Variants in NAA40 observed in about 807,000 individuals in gnomAD.
The protein encoded by NAA40 is N-alpha-acetyltransferase 40.
A neutral mutation model predicts 36.6 loss-of-function variants in NAA40; 26 were observed. The ratio of observed to expected loss-of-function variants is 0.71; its 90% CI spans 0.52 to 0.98. NAA40 has a LOEUF of 0.98. Among genes scored for constraint, NAA40 ranks in the 50% least tolerant of loss-of-function variants. NAA40 has a pLI of 0.00. For missense variants in NAA40, 237 were observed against 306.5 expected (o/e 0.77, Z 1.69); for synonymous variants, 129 against 108.4 (o/e 1.19, Z -1.18).
rs1351308762 is a variant in NAA40 at position 63,954,736 on chromosome 11, G to A, written c.*257G>A. On this transcript the variant is annotated 3_prime_UTR_variant, in exon 8 of 8. Transcript: ENST00000377793. ...CGGGCAGTGAAGCTCATCCTCCACA[G>A]TGGCTGCCTCCTCATTTGGCTCCTG... The A allele has an allele frequency of 2.9e-5, 10 of 342,860 alleles. No individual in the cohort carries two copies. The highest frequency in any genetic ancestry group is 4.2e-5 in the Non-Finnish European group (8 of 191,672). The allele number at this position is 342,860 out of a possible 1,614,324, so 21.2% of individuals were successfully genotyped here.
Position 63,955,001 on chromosome 11 carries a change from G to A in NAA40, c.*522G>A, listed in dbSNP as rs567214959. 2 of 152,738 alleles carry A rather than the reference G, an allele frequency of 1.3e-5. No homozygotes were observed. The highest frequency in any genetic ancestry group is 2.9e-5 in the Non-Finnish European group (2 of 68,144). The allele number at this position is 152,738 out of a possible 1,614,324, so 9.5% of individuals were successfully genotyped here. ...CGCAGTTGGAATTGCTGTTAACGGAGACTGGGAAGATCTTTTGTGCCAAGA... is the reference window on the plus strand; with the variant it reads ...CGCAGTTGGAATTGCTGTTAACGGAAACTGGGAAGATCTTTTGTGCCAAGA... On this transcript the variant is annotated 3_prime_UTR_variant, in exon 8 of 8. Transcript: ENST00000377793.
At chr11:63,946,450 CTGCCTT>C (rs750466316) in intron 2 of NAA40, 661 of 897,102 alleles carry the variant, frequency 7.4e-4, no homozygotes, top group Non-Finnish European at 9.0e-4. Context: ...AGCATTTCAC[CTGCCTT>C]GGCCTCCCAA....
Position 63,952,497 on chromosome 11 carries a change from C to T in NAA40, c.342C>T (p.Asn114=). 8 of 1,614,186 alleles carry T rather than the reference C, an allele frequency of 5.0e-6. No homozygotes were observed. The highest frequency in any genetic ancestry group is 6.8e-6 in the Non-Finnish European group (8 of 1,180,038). ...CCTGGTACCTCATCGCGTGGGAAAA[C>T]AGCTCCGTCCCTGTTGCCTTTTCTC... ...DRAWYLIAWE[N]SSVPVAFSHF... is the part of the protein sequence containing the mutation. The change falls in exon 5 of 8, where the codon AAC becomes AAT. Residue 114 remains asparagine, a synonymous_variant. Transcript: ENST00000377793.
intron 6 of NAA40, among the ~76,000 whole-genome samples, chr11:63,953,570 A>G (rs577931591): frequency 6.6e-6 from 1 of 152,282 alleles, no homozygotes; most frequent in Admixed American, 6.5e-5. Flanking sequence ...TGTGGGTGAA[A>G]GGGAGGTAAC....
rs1325746976 is a variant in NAA40 at position 63,954,891 on chromosome 11, G to A, written c.*412G>A. ...CTTTATGAAAGTTCTGGAGTCCTGG[G>A]TCTGGGGTTTGCTGGTCCCCAAAGA... is the stretch of plus-strand genomic sequence containing the variant. On this transcript the variant is annotated 3_prime_UTR_variant, in exon 8 of 8. Coordinates refer to ENST00000377793, the MANE Select transcript of NAA40 (RefSeq NM_024771.4). The A allele has an allele frequency of 6.4e-6, 1 of 155,862 alleles. No homozygotes were observed. The highest frequency in any genetic ancestry group is 1.4e-5 in the Non-Finnish European group (1 of 70,660). 9.7% of individuals were successfully genotyped at this position (155,862 alleles called of 1,614,324 possible).
chr11:63,946,746 C>T (rs934462902), intron 2 of NAA40: 37 of 1,529,956 alleles, frequency 2.4e-5, no homozygotes, highest in Non-Finnish European at 3.0e-5. Context: ...CTTAACTCTC[C>T]TGGGCCTTTC....
chr11:63,944,265 A>G (rs528581511), intron 1 of NAA40, among the ~76,000 whole-genome samples: 3 of 152,284 alleles, frequency 2.0e-5, no homozygotes, highest in South Asian at 4.1e-4. Context: ...TCCTGGGGCC[A>G]GTCCGTGTCA....
At chr11:63,949,127 A>C (rs562034103) in intron 3 of NAA40, among the ~76,000 whole-genome samples, 1 of 152,306 alleles carries the variant, frequency 6.6e-6, no homozygotes, top group East Asian at 1.9e-4. Flanking sequence ...TGCAGGCTGC[A>C]GTGAGCCATG....
intron 6 of NAA40, among the ~76,000 whole-genome samples, chr11:63,953,172 C>T (rs750648933): frequency 2.0e-5 from 3 of 151,772 alleles, no homozygotes; most frequent in Non-Finnish European, 2.9e-5. Context: ...CTCAGCCTCC[C>T]AAGTGGCTGG....
At chr11:63,946,660 G>C in intron 2 of NAA40, 2 of 1,402,240 alleles carry the variant, frequency 1.4e-6, no homozygotes, top group Non-Finnish European at 1.9e-6. Context: ...CTCTTCTTTG[G>C]GTTAGCTGTG....
rs1942198443 is a variant in NAA40 at position 63,946,993 on chromosome 11, G to T, written c.145G>T (p.Asp49Tyr). 4 of 1,614,104 alleles carry T rather than the reference G, an allele frequency of 2.5e-6. No homozygotes were observed. Among genetic ancestry groups the T allele is most frequent in the Non-Finnish European group, 3.4e-6 (4 of 1,179,970 alleles). The change falls in exon 3 of 8, where the codon GAT (aspartate) becomes TAT (tyrosine). Residue 49 changes from aspartate to tyrosine, a missense_variant. Coordinates refer to ENST00000377793, the MANE Select transcript of NAA40 (RefSeq NM_024771.4). ...LEAFPVFKKY[D>Y]RNGLNVSIEC... ...GGCTTTCCCAGTGTTCAAGAAATAT[G>T]ATAGAAACGGGTGAGTCACATTGAG...
At chr11:63,953,882 T>A in intron 6 of NAA40, 90 bp from the exon 7 acceptor site, 1 of 1,094,006 alleles carries the variant, frequency 9.1e-7, no homozygotes, top group Non-Finnish European at 1.4e-6. Context: ...CTCCCACCTT[T>A]GCCCCTCAAA....
chr11:63,950,464 T>G (rs1942261933), intron 3 of NAA40, among the ~76,000 whole-genome samples: 1 of 150,782 alleles, frequency 6.6e-6, no homozygotes, highest in Non-Finnish European at 1.5e-5. Flanking sequence ...TTGTGATATC[T>G]CATAGTGTTT....
rs1942328693 is a variant in NAA40, at chr11:63,954,322, C to T, written c.573-16C>T. On this transcript the variant is annotated splice_polypyrimidine_tract_variant and intron_variant, in intron 7 of 7. Coordinates refer to ENST00000377793, the MANE Select transcript of NAA40 (RefSeq NM_024771.4). ...AGCTGCCTGCCACCAACCCTTTTCT[C>T]CTGCCTGCCTTGCAGATTTGAAATT... is the stretch of plus-strand genomic sequence containing the variant. 2.5e-6 allele frequency: 4 copies of T among 1,573,092 alleles called. No individual in the cohort carries two copies. The highest frequency in any genetic ancestry group is 3.5e-6 in the Non-Finnish European group (4 of 1,159,302).
intron 7 of NAA40, 42 bp from the exon 8 acceptor site, chr11:63,954,296 C>A (rs761231182): frequency 6.5e-7 from 1 of 1,550,360 alleles, no homozygotes; most frequent in Non-Finnish European, 8.7e-7. Context: ...GGAAGGCACT[C>A]AGCTGCCTGC....
rs1478858087 is a variant in NAA40, at chr11:63,945,901, A to G, written c.68A>G (p.Asp23Gly). ...QKRLEERAAMDAVCAKVDAAN... is the reference protein window; with the variant it reads ...QKRLEERAAMGAVCAKVDAAN... ...CGGTTGGAGGAGCGAGCAGCCATGG[A>G]TGCCGTTTGTGCCAAAGTGGACGCT... The change falls in exon 2 of 8, where the codon GAT becomes GGT. Residue 23 changes from aspartate (D) to glycine (G), a missense_variant. Asp to Gly is a moderately conservative substitution (Grantham distance 94, BLOSUM62 -1). Coordinates refer to ENST00000377793, the MANE Select transcript of NAA40 (RefSeq NM_024771.4). 1 of 1,614,164 alleles carries G rather than the reference A, an allele frequency of 6.2e-7. No homozygotes were observed. The highest frequency in any genetic ancestry group is 8.5e-7 in the Non-Finnish European group (1 of 1,180,022).
chr11:63,940,430 C>G (rs1170153586), intron 1 of NAA40, among the ~76,000 whole-genome samples: 3 of 152,196 alleles, frequency 2.0e-5, no homozygotes, highest in African/African-American at 7.2e-5. Context: ...CCAGCCCCGT[C>G]TTCGCTGCTG....
At chr11:63,948,320 G>A (rs919672399) in intron 3 of NAA40, among the ~76,000 whole-genome samples, 4 of 152,192 alleles carry the variant, frequency 2.6e-5, no homozygotes, top group Non-Finnish European at 5.9e-5. Context: ...CAGCTGAGGG[G>A]CTTTTAATTT....
intron 1 of NAA40, among the ~76,000 whole-genome samples, chr11:63,944,459 C>T (rs1364667121): frequency 6.6e-6 from 1 of 152,114 alleles, no homozygotes; most frequent in Non-Finnish European, 1.5e-5. Context: ...CCTGTGCTCT[C>T]TTGTTGTCCT....
Sources: gnomAD v4.1 joint callset for allele counts (sites outside exome capture counted in the v4.1 genomes callset) on GRCh38, gnomAD v4.1.1 for gene constraint, MANE v1.5 for transcripts, NCBI Gene and HGNC (gene_info 2026-07-23, HGNC 2026-07-21) for gene names.